GPCPD1: variants seen among roughly 807,000 people sequenced by gnomAD.
GPCPD1 encodes glycerophosphocholine phosphodiesterase GPCPD1.
GPCPD1 carries 29 observed loss-of-function variants against 89.2 expected under a neutral mutation model. The observed-to-expected ratio is 0.33, with a 90% CI of 0.24 to 0.44. The LOEUF (loss-of-function observed/expected upper bound fraction) is 0.44. GPCPD1 is among the 20% of genes least tolerant of loss of function. The pLI, the probability that GPCPD1 is intolerant of heterozygous loss-of-function variation, is 1.00. For synonymous variants in GPCPD1, 258 were observed against 266.3 expected (o/e 0.97, Z 0.30); for missense variants, 594 against 808.9 (o/e 0.73, Z 3.22).
intron 16 of GPCPD1, among the ~76,000 whole-genome samples, chr20:5,560,817 T>G (rs1986039430): frequency 6.6e-6 from 1 of 152,084 alleles, no homozygotes; most frequent in Non-Finnish European, 1.5e-5. Flanking sequence ...CACCCCACAC[T>G]CTACTACCCC....
intron 13 of GPCPD1, 64 bp from the exon 14 acceptor site, chr20:5,566,836 CAG>C (rs1986418275): frequency 2.0e-6 from 2 of 989,994 alleles, no homozygotes; most frequent in Non-Finnish European, 3.2e-6. Context: ...AGATGGTTAA[CAG>C]AAAATATCCT....
Position 5,558,100 on chromosome 20 carries a change from T to C in GPCPD1, c.1674A>G (p.Ile558Met). 4 of 1,573,012 alleles carry C rather than the reference T, an allele frequency of 2.5e-6. No homozygotes were observed. Among genetic ancestry groups the C allele is most frequent in the South Asian group, 1.2e-5 (1 of 85,102 alleles). The change falls in exon 19 of 20, where the codon ATA becomes ATG. Residue 558 changes from isoleucine (I) to methionine (M), a missense_variant. Transcript: ENST00000379019. ...TGAGCAAGTCTTCAGTATGTACATT[T>C]ATCCCCTAGAAGAAGAAAAATTAGT... ...SFAQFENLLG[I>M]NVHTEDLLRN... is the part of the protein sequence containing the mutation.
chr20:5,609,798 GTTTTGCTT>G (rs11469910), intron 1 of GPCPD1, among the ~76,000 whole-genome samples: 15,479 of 145,828 alleles, frequency 0.11, 1,406 homozygotes, highest in African/African-American at 0.25. Context: ...ACCATGTGCA[GTTTTGCTT>G]GTTTGCTTGG....
chr20:5,575,682 G>C (rs1172038678), intron 9 of GPCPD1, 134 bp downstream of exon 9: 1 of 857,730 alleles, frequency 1.2e-6, no homozygotes, highest in Non-Finnish European at 1.8e-6. Context: ...GATTCAAAAT[G>C]TAACAGACAT....
At chr20:5,578,894 T>A (rs1000556405) in intron 7 of GPCPD1, among the ~76,000 whole-genome samples, 4 of 151,918 alleles carry the variant, frequency 2.6e-5, no homozygotes, top group African/African-American at 7.3e-5. Context: ...TAAAAAAAAA[T>A]AAATAAATCT....
intron 6 of GPCPD1, among the ~76,000 whole-genome samples, chr20:5,583,576 T>C (rs1978709148): frequency 6.6e-6 from 1 of 152,130 alleles, no homozygotes. Flanking sequence ...ATTCTCAGGA[T>C]ATAGTATTTA....
At chr20:5,577,421 G>A (rs540796009) in intron 8 of GPCPD1, among the ~76,000 whole-genome samples, 1 of 150,566 alleles carries the variant, frequency 6.6e-6, no homozygotes, top group African/African-American at 2.4e-5. Flanking sequence ...CCAGGAGATT[G>A]AGGCTGCAGT....
rs372520027 is a variant in GPCPD1, at chr20:5,575,388, A to C, written c.1001+25T>G. 715 of 1,564,102 alleles carry C rather than the reference A, an allele frequency of 4.6e-4. 1 individual carries two copies. Among genetic ancestry groups the C allele is most frequent in the Non-Finnish European group, 5.9e-4 (670 of 1,140,346 alleles). On this transcript the variant is annotated intron_variant, in intron 10 of 19. Transcript: ENST00000379019. ...CCGAACATAAGCTACACCAAATGCTAATCCTACTCAAATATTCAACTTACT... is the reference window on the plus strand; with the variant it reads ...CCGAACATAAGCTACACCAAATGCTCATCCTACTCAAATATTCAACTTACT...
intron 16 of GPCPD1, among the ~76,000 whole-genome samples, 172 bp downstream of exon 16, chr20:5,561,293 A>G (rs1032647201): frequency 3.3e-5 from 5 of 152,262 alleles, no homozygotes; most frequent in African/African-American, 1.2e-4. Context: ...ACATACTAGC[A>G]TGAATGCAAG....
At chr20:5,584,523 AC>A (rs1325033955) in intron 5 of GPCPD1, 1 of 363,538 alleles carries the variant, frequency 2.8e-6, no homozygotes, top group East Asian at 5.0e-5. Context: ...AATGGTTCTT[AC>A]ATACTTCGTT....
chr20:5,561,436 T>G (rs747855751), intron 16 of GPCPD1, 29 bp downstream of exon 16: 5 of 1,259,560 alleles, frequency 4.0e-6, no homozygotes, highest in Middle Eastern at 1.9e-4. Flanking sequence ...ATAGAGAGTA[T>G]AGAATGTGCT....
At chr20:5,606,712 T>C (rs1258394420) in intron 1 of GPCPD1, among the ~76,000 whole-genome samples, 2 of 152,194 alleles carry the variant, frequency 1.3e-5, no homozygotes, top group East Asian at 1.9e-4. Flanking sequence ...CCACAAATGA[T>C]TAATTGTCCA....
intron 19 of GPCPD1, among the ~76,000 whole-genome samples, chr20:5,554,227 G>A (rs1985615247): frequency 2.3e-5 from 2 of 87,172 alleles, no homozygotes; most frequent in Non-Finnish European, 4.7e-5. Flanking sequence ...CTTGTGATCC[G>A]CTCACCTCGG....
chr20:5,559,450 T>C (rs1057421288), intron 17 of GPCPD1, among the ~76,000 whole-genome samples: 1 of 152,132 alleles, frequency 6.6e-6, no homozygotes, highest in African/African-American at 2.4e-5. Flanking sequence ...CCAGTCTTAA[T>C]GGCACACACG....
intron 7 of GPCPD1, 30 bp from the exon 8 acceptor site, chr20:5,578,641 A>C (rs775165980): frequency 4.4e-6 from 6 of 1,373,162 alleles, no homozygotes; most frequent in African/African-American, 1.4e-5. Flanking sequence ...ATGAGATGCA[A>C]GAAGTGGCAG....
intron 6 of GPCPD1, among the ~76,000 whole-genome samples, chr20:5,580,575 A>C (rs1168563305): frequency 6.6e-6 from 1 of 151,796 alleles, no homozygotes; most frequent in Non-Finnish European, 1.5e-5. Context: ...AATACAAAAA[A>C]AATAGCCGGG....
At chr20:5,550,121 T>G (rs6053486) in intron 19 of GPCPD1, among the ~76,000 whole-genome samples, 108,067 of 151,380 alleles carry the variant, frequency 0.71, 39,529 homozygotes, top group African/African-American at 0.87. Context: ...TTGAACCCAG[T>G]AGACAGAGGT....
At chr20:5,572,981 C>G (rs1264267207) in intron 11 of GPCPD1, among the ~76,000 whole-genome samples, 1 of 152,130 alleles carries the variant, frequency 6.6e-6, no homozygotes, top group East Asian at 1.9e-4. Flanking sequence ...CAGCAAAGCT[C>G]CAGCCTCAGA....
chr20:5,582,215 A>C (rs959187063), intron 6 of GPCPD1, among the ~76,000 whole-genome samples: 2 of 145,790 alleles, frequency 1.4e-5, no homozygotes, highest in African/African-American at 2.5e-5. Flanking sequence ...AAAAAAAAAA[A>C]AAAACTACTA....
Sources: gnomAD v4.1 joint callset for allele counts (sites outside exome capture counted in the v4.1 genomes callset) on GRCh38, gnomAD v4.1.1 for gene constraint, MANE v1.5 for transcripts, NCBI Gene and HGNC (gene_info 2026-07-23, HGNC 2026-07-21) for gene names.